CPD: variants seen among roughly 807,000 people sequenced by gnomAD.
The protein encoded by CPD is metallocarboxypeptidase D.
CPD carries 69 observed loss-of-function variants against 138.3 expected under a neutral mutation model. That is an observed-to-expected ratio of 0.50 (90% CI 0.41 to 0.61). The LOEUF (loss-of-function observed/expected upper bound fraction) is 0.61, where lower values mean the gene tolerates loss of function less well. Ranked by LOEUF, CPD falls within the 20% of genes least tolerant of loss-of-function variation. The pLI, the probability that CPD is intolerant of heterozygous loss-of-function variation, is 0.00. For missense variants in CPD, 1,432 were observed against 1,733.3 expected (o/e 0.83, Z 3.09); for synonymous variants, 651 against 642.1 (o/e 1.01, Z -0.21).
intron 2 of CPD, among the ~76,000 whole-genome samples, chr17:30,395,118 A>G (rs966287643): frequency 2.0e-5 from 3 of 151,168 alleles, no homozygotes; most frequent in East Asian, 1.9e-4. Flanking sequence ...AATTGAATTA[A>G]TAGTGTTTTC....
chr17:30,408,872 C>G (rs1911879676), intron 2 of CPD, among the ~76,000 whole-genome samples: 1 of 152,126 alleles, frequency 6.6e-6, no homozygotes, highest in South Asian at 2.1e-4. Flanking sequence ...GAGAGGGCAT[C>G]CTTGTGTTGT....
chr17:30,438,088 C>T (rs1912755012), intron 8 of CPD, among the ~76,000 whole-genome samples: 1 of 144,572 alleles, frequency 6.9e-6, no homozygotes, highest in Non-Finnish European at 1.5e-5. Context: ...AAGCAGTTCT[C>T]CAACCTTGGC....
chr17:30,416,413 G>T (rs1346400138), intron 2 of CPD, among the ~76,000 whole-genome samples: 1 of 152,156 alleles, frequency 6.6e-6, no homozygotes, highest in Admixed American at 6.5e-5. Context: ...ATGTAAAAAT[G>T]GTTAATATGG....
intron 2 of CPD, among the ~76,000 whole-genome samples, chr17:30,391,838 A>G (rs1179819914): frequency 3.9e-5 from 6 of 152,158 alleles, no homozygotes; most frequent in Admixed American, 3.9e-4. Context: ...ACTTATATCT[A>G]CTAGAGTTTA....
At chr17:30,427,200 G>T (rs145459132) in intron 6 of CPD, among the ~76,000 whole-genome samples, 191 bp from the exon 7 acceptor site, 1 of 151,498 alleles carries the variant, frequency 6.6e-6, no homozygotes, top group Admixed American at 6.6e-5. Flanking sequence ...AAAAAAAGGC[G>T]GAGTCAACCA....
At position 30,379,115 on chromosome 17, in the gene CPD, C is replaced by G. The variant is rs772949103; in HGVS notation, c.135C>G (p.Ser45Arg). Residue 45 changes from serine (S) to arginine (R), a missense_variant, in exon 1 of 21, where the codon AGC (serine) becomes AGG (arginine). By Grantham distance (110) the Ser-to-Arg change is moderately radical (BLOSUM62 -1). Transcript: ENST00000225719. This position sits in a 1 kb window ranked among gnomAD's most constrained non-coding sequence, Gnocchi z 7.0. Reference sequence around the variant, plus strand: ...CGGAGGCGACTACCACAACTACGAGCGCGGGCGCCGAGGCGGCCGAGGGCC... The same window carrying G: ...CGGAGGCGACTACCACAACTACGAGGGCGGGCGCCGAGGCGGCCGAGGGCC... ...KKAEATTTTT[S>R]AGAEAAEGQF... 6.5e-7 allele frequency: 1 copy of G among 1,543,366 alleles called. No individual in the cohort carries two copies. Among genetic ancestry groups the G allele is most frequent in the South Asian group, 1.2e-5 (1 of 84,510 alleles).
chr17:30,413,788 G>A (rs928965300), intron 2 of CPD, among the ~76,000 whole-genome samples: 1 of 152,230 alleles, frequency 6.6e-6, no homozygotes, highest in Non-Finnish European at 1.5e-5. Context: ...GAGGAACTGG[G>A]AGTGCTGGTG....
At chr17:30,443,520 C>G (rs1912936235) in intron 10 of CPD, among the ~76,000 whole-genome samples, 1 of 152,074 alleles carries the variant, frequency 6.6e-6, no homozygotes, top group Admixed American at 6.6e-5. Flanking sequence ...AAGGCCAGGT[C>G]TGTTTTCTTG....
intron 10 of CPD, 130 bp from the exon 11 acceptor site, chr17:30,443,672 C>A: frequency 1.2e-6 from 1 of 857,836 alleles, no homozygotes; most frequent in Non-Finnish European, 1.7e-6. Flanking sequence ...TTGAACTTTA[C>A]TCTGAACTCC....
chr17:30,390,838 T>A (rs1199029360), intron 2 of CPD, among the ~76,000 whole-genome samples: 2 of 152,154 alleles, frequency 1.3e-5, no homozygotes, highest in African/African-American at 4.8e-5. Context: ...GATGCCTTTT[T>A]TTTTTTTTGA....
chr17:30,442,546 C>A (rs765926835), intron 10 of CPD, 96 bp downstream of exon 10: 98 of 1,149,762 alleles, frequency 8.5e-5, no homozygotes, highest in Admixed American at 1.6e-4. Flanking sequence ...GGAATACACT[C>A]TTTAAAATTT....
chr17:30,444,871 T>G (rs1235207399), intron 11 of CPD, among the ~76,000 whole-genome samples: 1 of 152,152 alleles, frequency 6.6e-6, no homozygotes, highest in Non-Finnish European at 1.5e-5. Flanking sequence ...GTCGTTGCCT[T>G]TGTTTTTTAA....
intron 2 of CPD, among the ~76,000 whole-genome samples, chr17:30,400,895 T>G (rs1474862211): frequency 1.3e-5 from 2 of 150,976 alleles, no homozygotes; most frequent in African/African-American, 4.9e-5. Flanking sequence ...GCCAAGATAG[T>G]CTTGATCTCC....
intron 2 of CPD, among the ~76,000 whole-genome samples, chr17:30,385,801 G>GTTGGCTC (rs1911169288): frequency 6.6e-6 from 1 of 150,998 alleles, no homozygotes; most frequent in Admixed American, 6.6e-5. Flanking sequence ...AAGCATTGCA[G>GTTGGCTC]TTGGCTCTTG....
chr17:30,411,219 A>G (rs945891627), intron 2 of CPD, among the ~76,000 whole-genome samples: 1 of 152,216 alleles, frequency 6.6e-6, no homozygotes, highest in Non-Finnish European at 1.5e-5. Context: ...GTTTCTGACG[A>G]GAGATCTGCT....
At chr17:30,404,535 T>A (rs1567869907) in intron 2 of CPD, among the ~76,000 whole-genome samples, 1 of 152,136 alleles carries the variant, frequency 6.6e-6, no homozygotes, top group Non-Finnish European at 1.5e-5. Flanking sequence ...TTTAGATTGC[T>A]TCCAGTTTTA....
intron 20 of CPD, among the ~76,000 whole-genome samples, chr17:30,462,740 G>A (rs1913523432): frequency 6.6e-6 from 1 of 152,160 alleles, no homozygotes. Context: ...TGTCAAGTGG[G>A]AAATCAGGGG....
At chr17:30,421,587 G>A (rs1912266310) in intron 3 of CPD, 77 bp from the exon 4 acceptor site, 1 of 1,249,946 alleles carries the variant, frequency 8.0e-7, no homozygotes, top group Non-Finnish European at 1.1e-6. Flanking sequence ...AGAAATTCTA[G>A]TATCGGTGCA....
chr17:30,421,587 G>GT, intron 3 of CPD, 77 bp from the exon 4 acceptor site: 1 of 1,249,946 alleles, frequency 8.0e-7, no homozygotes, highest in Non-Finnish European at 1.1e-6. Flanking sequence ...AGAAATTCTA[G>GT]TATCGGTGCA....
Sources: gnomAD v4.1 joint callset for allele counts (sites outside exome capture counted in the v4.1 genomes callset) on GRCh38, gnomAD v4.1.1 for gene constraint, Gnocchi (gnomAD v3.1) non-coding constraint, MANE v1.5 for transcripts, NCBI Gene and HGNC (gene_info 2026-07-23, HGNC 2026-07-21) for gene names.